Variants in PTPRF observed in about 807,000 individuals in gnomAD.
PTPRF encodes receptor-type tyrosine-protein phosphatase F.
A neutral mutation model predicts 201.8 loss-of-function variants in PTPRF; 59 were observed. That is an observed-to-expected ratio of 0.29 (90% CI 0.24 to 0.36). The LOEUF (loss-of-function observed/expected upper bound fraction) is 0.36, where lower values mean the gene tolerates loss of function less well. PTPRF is among the 10% of genes least tolerant of loss of function. PTPRF has a pLI of 1.00. For synonymous variants in PTPRF, 1,088 were observed against 1,089.7 expected, an observed-to-expected ratio of 1.00 and a Z score of 0.03; for missense variants, 2,132 against 2,690.5, an observed-to-expected ratio of 0.79 and a Z score of 4.59.
intron 11 of PTPRF, 93 bp from the exon 12 acceptor site, chr1:43,597,655 C>A: frequency 2.1e-6 from 2 of 964,668 alleles, no homozygotes; most frequent in Non-Finnish European, 1.6e-6. Flanking sequence ...GGGTAGCCTG[C>A]CCGGGTGAGT....
chr1:43,563,690 C>T (rs1645967079), intron 5 of PTPRF, among the ~76,000 whole-genome samples: 1 of 152,206 alleles, frequency 6.6e-6, no homozygotes, highest in South Asian at 2.1e-4. Context: ...TCCGTGGAGC[C>T]ATTGTTGGCT....
At chr1:43,526,874 C>A (rs1643137880), upstream of PTPRF, among the ~76,000 whole-genome samples, 1 of 152,210 alleles carries the variant, frequency 6.6e-6, no homozygotes, top group Admixed American at 6.5e-5. Context: ...GCAGCAGCAG[C>A]AGCCTGAAAA....
In PTPRF at chr1:43,603,015, C is replaced by A. The variant is rs964157345; in HGVS notation, c.2341-401C>A. 6.6e-6 allele frequency among the ~76,000 whole-genome samples: 1 copy of A among 152,172 alleles called. No homozygotes were observed. The highest frequency in any genetic ancestry group is 1.5e-5 in the Non-Finnish European group (1 of 68,016). ...GCACTGGTGTCCACAGGCAGCCTTA[C>A]GCCTGCTTATGCAGGAGCTGTAGGC... is the stretch of plus-strand genomic sequence containing the variant. On this transcript the variant is annotated intron_variant, in intron 14 of 33. Transcript: ENST00000359947. The surrounding 1 kb of genome is among the most constrained non-coding windows in gnomAD (Gnocchi z 5.8).
At chr1:43,586,876 T>A (rs1285635049) in intron 7 of PTPRF, among the ~76,000 whole-genome samples, 1 of 152,232 alleles carries the variant, frequency 6.6e-6, no homozygotes, top group South Asian at 2.1e-4. Flanking sequence ...CAAAGGCTGT[T>A]TCTCCATAGT....
chr1:43,531,885 G>A (rs1258903540), intron 1 of PTPRF, among the ~76,000 whole-genome samples: 2 of 152,186 alleles, frequency 1.3e-5, no homozygotes, highest in African/African-American at 4.8e-5. Flanking sequence ...CTCTGTCTCG[G>A]CTGCTTTCTG....
At chr1:43,604,578 A>G (rs1570567425) in intron 16 of PTPRF, among the ~76,000 whole-genome samples, 1 of 152,284 alleles carries the variant, frequency 6.6e-6, no homozygotes, top group South Asian at 2.1e-4. Context: ...CATGCTTCTC[A>G]TGACCGAAAC....
Position 43,619,722 on chromosome 1 carries a change from G to A in PTPRF, c.4975G>A (p.Ala1659Thr), listed in dbSNP as rs1016222559. 2.5e-6 allele frequency: 4 copies of A among 1,614,092 alleles called. No homozygotes were observed. Among genetic ancestry groups the A allele is most frequent in the African/African-American group, 1.3e-5 (1 of 74,930 alleles). Reference sequence around the variant, plus strand: ...GGCCCACACGTCCCGCTTCATCAGCGCCAACCTGCCCTGCAACAAGTTCAA... The same window carrying A: ...GGCCCACACGTCCCGCTTCATCAGCACCAACCTGCCCTGCAACAAGTTCAA... ...SKAHTSRFIS[A>T]NLPCNKFKNR... is the part of the protein sequence containing the mutation. The change falls in exon 29 of 34, where the codon GCC becomes ACC. Residue 1659 changes from alanine to threonine, a missense_variant. Ala to Thr is a moderately conservative substitution (Grantham distance 58, BLOSUM62 0). This residue lies in a region of PTPRF where 519 missense variants were observed against 659.5 expected (regional missense o/e 0.79). Transcript: ENST00000359947.
At chr1:43,620,363 C>T (rs1658913830) in intron 30 of PTPRF, 91 bp from the exon 31 acceptor site, 2 of 1,522,068 alleles carry the variant, frequency 1.3e-6, no homozygotes, top group African/African-American at 2.8e-5. Flanking sequence ...TTATTACTAC[C>T]TGAGGCATCT....
At chr1:43,522,624 C>T (rs544217210), upstream of PTPRF, among the ~76,000 whole-genome samples, 1 of 152,264 alleles carries the variant, frequency 6.6e-6, no homozygotes, top group African/African-American at 2.4e-5. Context: ...GACTAAGGGT[C>T]AGGGAAGGCT....
In PTPRF at chr1:43,585,371, G is replaced by A. The variant is rs1367643181; in HGVS notation, c.680-3360G>A. ...TGCCTGTTTCCCCCACCCTTCCTCTGTAGACATACCCTGACCTCCCTCACA... is the reference window on the plus strand; with the variant it reads ...TGCCTGTTTCCCCCACCCTTCCTCTATAGACATACCCTGACCTCCCTCACA... On this transcript the variant is annotated intron_variant, in intron 7 of 33. Transcript: ENST00000359947. Among the ~76,000 whole-genome samples the A allele has an allele frequency of 2.6e-5, 4 of 152,098 alleles. No homozygotes were observed. The East Asian group carries it at 7.7e-4, about 29-fold the overall frequency.
rs143019283 is a variant in PTPRF, at chr1:43,620,119, A to C, written c.5136A>C (p.Thr1712=). 714 of 1,614,098 alleles carry C rather than the reference A, an allele frequency of 4.4e-4. 2 individuals are homozygous for C. In the African/African-American group the frequency reaches 8.4e-3, roughly 19 times the overall value. ...GYRQQKAYIA[T]QGPLAESTED... ...GACAGCAGAAGGCCTACATAGCTAC[A>C]CAGGGGCCTCTGGCAGAGAGCACCG... The change falls in exon 30 of 34, where the codon ACA becomes ACC. Residue 1712 remains threonine (T), a synonymous_variant. Transcript: ENST00000359947.
chr1:43,535,927 C>T (rs1643972351), intron 1 of PTPRF, among the ~76,000 whole-genome samples: 1 of 152,134 alleles, frequency 6.6e-6, no homozygotes, highest in Admixed American at 6.5e-5. Flanking sequence ...GGTGTAGTCC[C>T]ACCTGGCTAA....
At chr1:43,555,449 T>TTC (rs1215333206) in intron 5 of PTPRF, among the ~76,000 whole-genome samples, 5 of 147,178 alleles carry the variant, frequency 3.4e-5, no homozygotes, top group African/African-American at 1.3e-4. Context: ...ATTCTTTTTT[T>TTC]TTTTTTTTTT....
At chr1:43,531,675 C>A (rs191051378) in intron 1 of PTPRF, among the ~76,000 whole-genome samples, 57 of 151,890 alleles carry the variant, frequency 3.8e-4, no homozygotes, top group African/African-American at 8.4e-4. Context: ...GAAGCCCCCC[C>A]ACCCCCTTCG....
intron 5 of PTPRF, among the ~76,000 whole-genome samples, chr1:43,567,500 C>T (rs934779806): frequency 4.6e-5 from 7 of 152,218 alleles, no homozygotes; most frequent in Non-Finnish European, 7.3e-5. Flanking sequence ...AAGGCTGGGG[C>T]GGCAAGGCCG....
chr1:43,598,849 G>A lies in PTPRF; in HGVS notation c.2249G>A (p.Arg750Gln), dbSNP rs752038331. ...QIRGYQVTYV[R>Q]LENGEPRGLP... is the part of the protein sequence containing the mutation. Reference sequence around the variant, plus strand: ...CGCGGCTACCAGGTCACCTACGTGCGGCTGGAGAATGGCGAGCCCCGTGGA... The same window carrying A: ...CGCGGCTACCAGGTCACCTACGTGCAGCTGGAGAATGGCGAGCCCCGTGGA... The change falls in exon 13 of 34, where the codon CGG (arginine) becomes CAG (glutamine). Residue 750 changes from arginine to glutamine, a missense_variant. Arg to Gln is a conservative substitution (Grantham distance 43, BLOSUM62 1). Coordinates refer to ENST00000359947, the MANE Select transcript of PTPRF (RefSeq NM_002840.5). 47 of 1,614,042 alleles carry A rather than the reference G, an allele frequency of 2.9e-5. No homozygotes were observed. In the Admixed American group the frequency reaches 4.8e-4, roughly 17 times the overall value.
intron 3 of PTPRF, among the ~76,000 whole-genome samples, chr1:43,549,097 G>T (rs945027834): frequency 6.6e-6 from 1 of 152,198 alleles, no homozygotes; most frequent in Non-Finnish European, 1.5e-5. Context: ...TGCGGCCCCC[G>T]ACCACTGTGT....
rs943836231 is a variant in PTPRF, at chr1:43,597,800, G to A, written c.1866G>A (p.Thr622=). ...KVMCVSMGST[T]VRVSWVPPPA... is the part of the protein sequence containing the mutation. ...TGTGTGTGAGCATGGGCTCCACCAC[G>A]GTCCGGGTAAGTTGGGTCCCGCCGC... is the stretch of plus-strand genomic sequence containing the variant. The change falls in exon 12 of 34, where the codon ACG becomes ACA. Residue 622 remains threonine (T), a synonymous_variant. Coordinates refer to ENST00000359947, the MANE Select transcript of PTPRF (RefSeq NM_002840.5). The A allele has an allele frequency of 1.0e-5, 16 of 1,531,986 alleles. No individual in the cohort carries two copies. The highest frequency in any genetic ancestry group is 1.4e-5 in the Non-Finnish European group (16 of 1,132,164). The allele number at this position is 1,531,986 out of a possible 1,614,324, so 94.9% of individuals were successfully genotyped here.
intron 30 of PTPRF, 79 bp downstream of exon 30, chr1:43,620,300 T>A (rs1658896655): frequency 6.3e-7 from 1 of 1,580,170 alleles, no homozygotes; most frequent in South Asian, 1.2e-5. Flanking sequence ...GCCGCCTATG[T>A]TACTGTCTCC....
Sources: allele counts gnomAD v4.1 joint callset (sites outside exome capture counted in the v4.1 genomes callset), GRCh38; gene constraint gnomAD v4.1.1; regional missense constraint gnomAD v4.1.1; non-coding constraint Gnocchi (gnomAD v3.1); transcripts MANE v1.5; gene names NCBI Gene and HGNC (gene_info 2026-07-23, HGNC 2026-07-21).